Variants in ASIC2 observed in about 807,000 individuals in gnomAD.
ASIC2 encodes acid-sensing ion channel 2.
In ASIC2, 25 loss-of-function variants were observed where a neutral mutation model predicts 57.3. That is an observed-to-expected ratio of 0.44 (90% CI 0.32 to 0.61). The LOEUF is 0.61. Among genes scored for constraint, ASIC2 ranks in the 20% least tolerant of loss-of-function variants. The probability of loss-of-function intolerance (pLI) is 0.06; values close to 1 mark genes in which losing one functional copy is unlikely to be tolerated. For synonymous variants in ASIC2, 319 were observed against 307.5 expected, an observed-to-expected ratio of 1.04 and a Z score of -0.39; for missense variants, 641 against 738.1, an observed-to-expected ratio of 0.87 and a Z score of 1.52.
intron 1 of ASIC2, among the ~76,000 whole-genome samples, chr17:33,944,113 T>C (rs899507710): frequency 2.0e-5 from 3 of 152,206 alleles, no homozygotes; most frequent in Non-Finnish European, 2.9e-5. Context: ...ACAAGTTCTG[T>C]CTGAAAACCT....
intron 1 of ASIC2, among the ~76,000 whole-genome samples, chr17:33,321,061 A>G (rs981391462): frequency 1.3e-5 from 2 of 152,212 alleles, no homozygotes; most frequent in Non-Finnish European, 2.9e-5. Context: ...TTCGGTGAAC[A>G]TATGTATCCA....
rs114911089 is a variant in ASIC2 at position 33,642,383 on chromosome 17, T to C, written c.555+513595A>G. Among the ~76,000 whole-genome samples the C allele has an allele frequency of 6.1e-3, 936 of 152,238 alleles. 9 individuals carry two copies. The highest frequency in any genetic ancestry group is 0.021 in the African/African-American group (889 of 41,520). On this transcript the variant is annotated intron_variant, in intron 1 of 9. Coordinates refer to the ASIC2 transcript ENST00000359872. Reference sequence around the variant, plus strand: ...GGCCTGAGTTTGCAGCAAAGGGCCCTTGAGTACCAGGCTAGGCAGCTCTGG... The same window carrying C: ...GGCCTGAGTTTGCAGCAAAGGGCCCCTGAGTACCAGGCTAGGCAGCTCTGG...
rs555438022 is a variant in ASIC2 at position 34,140,487 on chromosome 17, A to G, written c.555+15491T>C. On this transcript the variant is annotated intron_variant, in intron 1 of 9. Transcript: ENST00000359872. ...CCTACAACTCAGATCTTGGTTCTAA[A>G]TAGCATTTCCTGTTCAAATGAACCA... is the stretch of plus-strand genomic sequence containing the variant. Among the ~76,000 whole-genome samples, 54 of 152,292 alleles carry G rather than the reference A, an allele frequency of 3.5e-4. 1 individual carries two copies. The Middle Eastern group carries it at 0.01, about 29-fold the overall frequency.
At chr17:33,970,203 T>C (rs62057452) in intron 1 of ASIC2, among the ~76,000 whole-genome samples, 36,956 of 152,098 alleles carry the variant, frequency 0.24, 4,750 homozygotes, top group East Asian at 0.33. Context: ...CCTTTCATTA[T>C]GACAACAAAA....
chr17:33,613,027 T>A (rs1905463297), intron 1 of ASIC2, among the ~76,000 whole-genome samples: 1 of 152,144 alleles, frequency 6.6e-6, no homozygotes, highest in South Asian at 2.1e-4. Flanking sequence ...ACATTTCTGG[T>A]GCTTGGCTCC....
In ASIC2 at chr17:33,668,272, CTTTTTTTTTTTTT is replaced by C. The variant is rs397856474; in HGVS notation, c.555+487693_555+487705del. ...CTGATTGCTTCTCCAATCAAATGTTCTTTTTTTTTTTTTTTTTTTTTTTTTTTGCAGCCAGTAT... is the reference window on the plus strand; with the variant it reads ...CTGATTGCTTCTCCAATCAAATGTTCTTTTTTTTTTTTTTGCAGCCAGTAT... On this transcript the variant is annotated intron_variant, in intron 1 of 9. Transcript: ENST00000359872. Among the ~76,000 whole-genome samples, 17 of 61,420 alleles carry C rather than the reference CTTTTTTTTTTTTT, an allele frequency of 2.8e-4. 1 individual carries two copies. The highest frequency in any genetic ancestry group is 5.7e-4 in the African/African-American group (13 of 22,614). The allele number at this position is 61,420 out of a possible 152,430, so 40.3% of individuals were successfully genotyped here.
chr17:33,138,826 A>T (rs973665989), intron 1 of ASIC2, among the ~76,000 whole-genome samples: 1 of 152,228 alleles, frequency 6.6e-6, no homozygotes, highest in Non-Finnish European at 1.5e-5. Context: ...TTGAATTGAC[A>T]TTTTAAAAAA....
chr17:33,569,954 AT>A (rs1299881712), intron 1 of ASIC2, among the ~76,000 whole-genome samples: 1 of 151,824 alleles, frequency 6.6e-6, no homozygotes, highest in African/African-American at 2.4e-5. Flanking sequence ...GGCAAGCTGG[AT>A]TTTTTTCTCC....
At chr17:33,792,246 C>G (rs1911795462) in intron 1 of ASIC2, 1 of 152,270 alleles carries the variant, frequency 6.6e-6, no homozygotes, top group Non-Finnish European at 1.5e-5. Context: ...CTTCAGGTCC[C>G]ACTTAACTCC....
chr17:34,077,952 A>T (rs2142075452), intron 1 of ASIC2, among the ~76,000 whole-genome samples: 1 of 152,194 alleles, frequency 6.6e-6, no homozygotes, highest in East Asian at 1.9e-4. Flanking sequence ...TTCCTCCAGG[A>T]CATCCTGGGT....
Position 33,710,724 on chromosome 17 carries a change from G to T in ASIC2, c.555+445254C>A, listed in dbSNP as rs564501119. Among the ~76,000 whole-genome samples, 13 of 152,274 alleles carry T rather than the reference G, an allele frequency of 8.5e-5. No individual in the cohort carries two copies. The South Asian group carries it at 2.5e-3, about 29-fold the overall frequency. ...AATATGAAAACTGAGGGAGAAGAAA[G>T]GTTGTGGTGTATCCAAGCATATTGG... On this transcript the variant is annotated intron_variant, in intron 1 of 9. Transcript: ENST00000359872.
chr17:33,754,800 C>CA (rs1275047512), intron 1 of ASIC2, among the ~76,000 whole-genome samples: 1 of 151,444 alleles, frequency 6.6e-6, no homozygotes, highest in Non-Finnish European at 1.5e-5. Flanking sequence ...ACTAAAAATA[C>CA]AAAAAAAGTT....
chr17:33,998,305 A>G (rs967862370), intron 1 of ASIC2, among the ~76,000 whole-genome samples: 16 of 151,876 alleles, frequency 1.1e-4, no homozygotes, highest in Non-Finnish European at 2.4e-4. Flanking sequence ...TGCCAATTTT[A>G]TTTATCTTTT....
intron 3 of ASIC2, among the ~76,000 whole-genome samples, chr17:33,078,225 C>G (rs1178190208): frequency 6.6e-6 from 1 of 151,884 alleles, no homozygotes; most frequent in Non-Finnish European, 1.5e-5. Flanking sequence ...CTTTTGATGT[C>G]AGATCCAGTG....
At chr17:33,928,135 G>GA (rs1162225366) in intron 1 of ASIC2, among the ~76,000 whole-genome samples, 3 of 152,202 alleles carry the variant, frequency 2.0e-5, no homozygotes, top group East Asian at 3.9e-4. Flanking sequence ...CTGCCAACTG[G>GA]AAAAAAACCA....
intron 1 of ASIC2, among the ~76,000 whole-genome samples, chr17:34,084,134 T>G (rs1438598860): frequency 6.6e-6 from 1 of 151,884 alleles, no homozygotes; most frequent in African/African-American, 2.4e-5. Context: ...GAGGTTTTCT[T>G]CTAGGGTTTT....
intron 1 of ASIC2, among the ~76,000 whole-genome samples, chr17:33,969,948 A>C (rs1350861898): frequency 2.6e-5 from 4 of 152,136 alleles, no homozygotes; most frequent in African/African-American, 9.7e-5. Flanking sequence ...GGGAAAGGAA[A>C]GGCCCACTCA....
chr17:33,442,276 A>C (rs1437420600), intron 1 of ASIC2, among the ~76,000 whole-genome samples: 1 of 152,194 alleles, frequency 6.6e-6, no homozygotes, highest in East Asian at 1.9e-4. Context: ...TTAAATTTTC[A>C]TATAAATTTT....
At chr17:34,152,030 T>A (rs1365675242) in intron 1 of ASIC2, among the ~76,000 whole-genome samples, 1 of 152,080 alleles carries the variant, frequency 6.6e-6, no homozygotes, top group Non-Finnish European at 1.5e-5. Context: ...AATAATTTTT[T>A]TAAAAAAGAT....
Sources: gnomAD v4.1 joint callset for allele counts (sites outside exome capture counted in the v4.1 genomes callset) on GRCh38, gnomAD v4.1.1 for gene constraint, MANE v1.5 for transcripts, NCBI Gene and HGNC (gene_info 2026-07-23, HGNC 2026-07-21) for gene names.